The following MALRD1 variants were observed in gnomAD, a reference collection of about 807,000 sequenced individuals.
The protein encoded by MALRD1 is MAM and LDL receptor class A domain containing 1, also known as MAM and LDL-receptor class A domain-containing protein 1.
In MALRD1, 247 loss-of-function variants were observed where a neutral mutation model predicts 242.1. The ratio of observed to expected loss-of-function variants is 1.02; its 90% CI spans 0.92 to 1.13. The LOEUF (loss-of-function observed/expected upper bound fraction) is 1.13. Among genes scored for constraint, MALRD1 ranks in the 50% most tolerant of loss-of-function variants. MALRD1 has a pLI of 0.00. For synonymous variants in MALRD1, 995 were observed against 866.6 expected, an observed-to-expected ratio of 1.15 and a Z score of -2.60; for missense variants, 2,989 against 2,533.1, an observed-to-expected ratio of 1.18 and a Z score of -3.86.
intron 1 of MALRD1, chr10:19,051,921 C>CAAA (rs1178410946): frequency 0.011 from 722 of 62,808 alleles, 55 homozygotes; most frequent in African/African-American, 0.017. Context: ...GACTCCGTCT[C>CAAA]AAAAAAAAAA....
intron 33 of MALRD1, among the ~76,000 whole-genome samples, chr10:19,586,396 G>T (rs1837404199): frequency 6.6e-6 from 1 of 152,144 alleles, no homozygotes; most frequent in Non-Finnish European, 1.5e-5. Context: ...ATGTACAGAT[G>T]GGTTTTTGGT....
intron 31 of MALRD1, among the ~76,000 whole-genome samples, chr10:19,530,402 T>TC (rs1834326228): frequency 3.1e-5 from 1 of 32,588 alleles, no homozygotes; most frequent in Non-Finnish European, 6.2e-5. Context: ...ATATAAATAT[T>TC]ATATATTTAT....
intron 19 of MALRD1, among the ~76,000 whole-genome samples, chr10:19,260,522 C>A (rs145774385): frequency 2.9e-4 from 44 of 152,228 alleles, no homozygotes; most frequent in African/African-American, 1.0e-3. Flanking sequence ...CAGATCCTAA[C>A]AATGGGGCAG....
In MALRD1 at chr10:19,224,414, G is replaced by A. The variant is rs561121214; in HGVS notation, c.2991+14734G>A. On this transcript the variant is annotated intron_variant, in intron 18 of 39. Coordinates refer to ENST00000454679, the MANE Select transcript of MALRD1 (RefSeq NM_001142308.3). ...CAATTCTCCTGCCTTAGCCTCTTGA[G>A]TAGCTGGGATTACAGGTATATGCCA... Among the ~76,000 whole-genome samples, 3 of 151,878 alleles carry A rather than the reference G, an allele frequency of 2.0e-5. No individual in the cohort carries two copies. The East Asian group carries it at 5.8e-4, about 30-fold the overall frequency.
chr10:19,363,083 C>T (rs925474868), intron 26 of MALRD1, among the ~76,000 whole-genome samples: 13 of 151,994 alleles, frequency 8.6e-5, no homozygotes, highest in Non-Finnish European at 1.6e-4. Context: ...CGTCTAGGCA[C>T]GTACAGATGT....
chr10:19,577,745 A>G (rs932927493), intron 33 of MALRD1, among the ~76,000 whole-genome samples: 1 of 151,800 alleles, frequency 6.6e-6, no homozygotes, highest in Non-Finnish European at 1.5e-5. Flanking sequence ...ATATATATGT[A>G]ACATAACATA....
intron 36 of MALRD1, among the ~76,000 whole-genome samples, chr10:19,636,399 A>G (rs973353597): frequency 2.6e-5 from 4 of 152,240 alleles, no homozygotes; most frequent in African/African-American, 9.6e-5. Flanking sequence ...GAAGATAAAC[A>G]AAACAATTGG....
chr10:19,540,925 G>A (rs1322142958), intron 32 of MALRD1, among the ~76,000 whole-genome samples: 1 of 152,024 alleles, frequency 6.6e-6, no homozygotes, highest in East Asian at 1.9e-4. Context: ...GACCAGCCTG[G>A]GCAACATGGC....
At chr10:19,261,446 T>TAAAAAAAA (rs531115191) in intron 19 of MALRD1, among the ~76,000 whole-genome samples, 16 of 135,046 alleles carry the variant, frequency 1.2e-4, no homozygotes, top group African/African-American at 3.5e-4. Context: ...GAGCTCTACG[T>TAAAAAAAA]AAAAAAAAAA....
chr10:19,625,375 T>A (rs1839606930), intron 36 of MALRD1, among the ~76,000 whole-genome samples: 1 of 152,124 alleles, frequency 6.6e-6, no homozygotes, highest in South Asian at 2.1e-4. Flanking sequence ...ATGGTTGCTT[T>A]TGCCTATTTT....
At chr10:19,295,240 A>C (rs149032252) in intron 21 of MALRD1, among the ~76,000 whole-genome samples, 174 of 152,222 alleles carry the variant, frequency 1.1e-3, no homozygotes, top group African/African-American at 3.8e-3. Flanking sequence ...TTCGTAATTT[A>C]GACATTTGAT....
intron 36 of MALRD1, among the ~76,000 whole-genome samples, chr10:19,645,105 A>T (rs892986812): frequency 6.6e-6 from 1 of 152,202 alleles, no homozygotes; most frequent in South Asian, 2.1e-4. Flanking sequence ...GTAAAATCTT[A>T]GATGTGACCT....
intron 18 of MALRD1, among the ~76,000 whole-genome samples, chr10:19,234,930 A>C (rs983018654): frequency 1.3e-5 from 2 of 152,112 alleles, no homozygotes; most frequent in Admixed American, 1.3e-4. Flanking sequence ...GAGAGTGGGA[A>C]CTGGGAATTA....
At chr10:19,095,164 C>T (rs746849754) in intron 4 of MALRD1, among the ~76,000 whole-genome samples, 12 of 151,984 alleles carry the variant, frequency 7.9e-5, no homozygotes, top group African/African-American at 2.4e-4. Context: ...TTCAATTTTA[C>T]GTTCGATTCT....
intron 18 of MALRD1, among the ~76,000 whole-genome samples, chr10:19,215,720 A>T (rs1837281593): frequency 8.7e-6 from 1 of 115,600 alleles, no homozygotes; most frequent in Non-Finnish European, 1.9e-5. Context: ...TGCTATAATA[A>T]ATTAGTATAA....
chr10:19,273,218 G>A (rs557503166), intron 19 of MALRD1, among the ~76,000 whole-genome samples: 1 of 152,098 alleles, frequency 6.6e-6, no homozygotes, highest in Admixed American at 6.5e-5. Context: ...CCATAATTGG[G>A]AAAATACAAA....
chr10:19,615,079 A>G (rs1839079456), intron 35 of MALRD1, among the ~76,000 whole-genome samples: 1 of 152,102 alleles, frequency 6.6e-6, no homozygotes, highest in Admixed American at 6.6e-5. Flanking sequence ...AATAGTTCCA[A>G]GGAGGATATT....
At chr10:19,122,725 C>T (rs74349445) in intron 5 of MALRD1, among the ~76,000 whole-genome samples, 1 of 152,110 alleles carries the variant, frequency 6.6e-6, no homozygotes, top group African/African-American at 2.4e-5. Context: ...AACAAAAACA[C>T]AGGCACAATT....
chr10:19,066,541 T>G (rs1334056982), intron 1 of MALRD1, among the ~76,000 whole-genome samples, 178 bp from the exon 2 acceptor site: 2 of 152,220 alleles, frequency 1.3e-5, no homozygotes, highest in African/African-American at 2.4e-5. Context: ...TGTGGTAACT[T>G]ATTAGAATAT....
Sources: gnomAD v4.1 joint callset for allele counts (sites outside exome capture counted in the v4.1 genomes callset) on GRCh38, gnomAD v4.1.1 for gene constraint, MANE v1.5 for transcripts, NCBI Gene and HGNC (gene_info 2026-07-23, HGNC 2026-07-21) for gene names.